Variants in NFE2L1 observed in about 807,000 individuals in gnomAD.
NFE2L1 encodes endoplasmic reticulum membrane sensor NFE2L1.
In NFE2L1, 18 loss-of-function variants were observed where a neutral mutation model predicts 61.6. The observed-to-expected ratio is 0.29, with a 90% confidence interval of 0.20 to 0.43. The LOEUF is 0.43. NFE2L1 is among the 20% of genes least tolerant of loss of function. The pLI, the probability that NFE2L1 is intolerant of heterozygous loss-of-function variation, is 1.00. For synonymous variants in NFE2L1, 419 were observed against 402.7 expected (o/e 1.04, Z -0.48); for missense variants, 827 against 973.5 (o/e 0.85, Z 2.00).
At chr17:48,054,569 G>C in intron 2 of NFE2L1, 13 of 1,185,002 alleles carry the variant, frequency 1.1e-5, no homozygotes, top group Non-Finnish European at 1.4e-5. Flanking sequence ...GAGGGGATTG[G>C]CTCTCTGCAG....
rs1390799054 is a variant in NFE2L1 at position 48,058,692 on chromosome 17, T to C, written c.1370T>C (p.Ile457Thr). 1 of 1,614,180 alleles carries C rather than the reference T, an allele frequency of 6.2e-7. No homozygotes were observed. The highest frequency in any genetic ancestry group is 2.2e-5 in the East Asian group (1 of 44,874). The change falls in exon 6 of 6, where the codon ATT (isoleucine) becomes ACT (threonine). Residue 457 changes from isoleucine (I) to threonine (T), a missense_variant. Ile to Thr is a moderately conservative substitution (Grantham distance 89). Transcript: ENST00000362042. ...GAGATCAGCCTTATGGACCTGGCCA[T>C]TGAAGAAGGCTTTAACCCTGTGCAG... The part of the protein sequence containing the change: ...LDEISLMDLA[I>T]EEGFNPVQAS...
intron 3 of NFE2L1, 79 bp from the exon 4 acceptor site, chr17:48,056,953 C>T (rs899959356): frequency 4.2e-6 from 6 of 1,437,624 alleles, no homozygotes; most frequent in Admixed American, 1.8e-5. Context: ...TGCAGGGCTT[C>T]AGCCATTCTG....
intron 2 of NFE2L1, chr17:48,054,731 G>A: frequency 7.7e-7 from 1 of 1,295,314 alleles, no homozygotes; most frequent in Admixed American, 4.0e-5. Context: ...GGAGCATGGG[G>A]TGGGAGTCCC....
intron 1 of NFE2L1, chr17:48,049,152 G>A (rs1401661239): frequency 2.0e-5 from 3 of 152,260 alleles, no homozygotes; most frequent in Non-Finnish European, 4.4e-5. Flanking sequence ...ACGCAGGAGA[G>A]GAGAGGCGGT....
At chr17:48,050,461 A>G in intron 1 of NFE2L1, 146 bp from the exon 2 acceptor site, 1 of 383,854 alleles carries the variant, frequency 2.6e-6, no homozygotes, top group South Asian at 1.4e-4. Flanking sequence ...CCTGGGCGAC[A>G]GAGTGAGACT....
In NFE2L1 at chr17:48,051,288, A is replaced by C. The variant is rs773208986; in HGVS notation, c.170A>C (p.Asn57Thr). Reference protein sequence around the residue: ...SSAYTQTQFHNLRNTLDGYGI... With the variant: ...SSAYTQTQFHTLRNTLDGYGI... Reference sequence around the variant, plus strand: ...GCCTATACTCAGACCCAGTTCCACAACCTGAGGAATACCTTGGATGGCTAT... The same window carrying C: ...GCCTATACTCAGACCCAGTTCCACACCCTGAGGAATACCTTGGATGGCTAT... Residue 57 changes from asparagine to threonine, a missense_variant, in exon 2 of 6, where the codon AAC (asparagine) becomes ACC (threonine). Around this residue, in one of 3 missense-constraint regions of NFE2L1, gnomAD observed 667 missense variants for 748.4 expected, o/e 0.89. Coordinates refer to ENST00000362042, the MANE Select transcript of NFE2L1 (RefSeq NM_003204.3). The C allele has an allele frequency of 1.2e-6, 2 of 1,614,010 alleles. No homozygotes were observed. The highest frequency in any genetic ancestry group is 1.7e-6 in the Non-Finnish European group (2 of 1,180,006).
In NFE2L1 at chr17:48,059,585, A is replaced by C; in HGVS notation, c.2263A>C (p.Met755Leu). The change falls in exon 6 of 6, where the codon ATG (methionine) becomes CTG (leucine). Residue 755 changes from methionine to leucine, a missense_variant. Met to Leu is a conservative substitution (Grantham distance 15). Coordinates refer to ENST00000362042, the MANE Select transcript of NFE2L1 (RefSeq NM_003204.3). The surrounding 1 kb of genome is among the most constrained non-coding windows in gnomAD (Gnocchi z 6.1). Reference protein sequence around the residue: ...DGSVLLIPRTMADQQARRQER... With the variant: ...DGSVLLIPRTLADQQARRQER... ...CAGTGTCCTCCTCATCCCCCGCACG[A>C]TGGCCGACCAGCAGGCCCGGCGGCA... The C allele has an allele frequency of 6.3e-7, 1 of 1,592,074 alleles. No individual in the cohort carries two copies. Among genetic ancestry groups the C allele is most frequent in the Non-Finnish European group, 8.6e-7 (1 of 1,166,296 alleles).
chr17:48,053,074 C>G (rs2037295144), intron 2 of NFE2L1, among the ~76,000 whole-genome samples: 1 of 152,172 alleles, frequency 6.6e-6, no homozygotes. Context: ...GCACAGTGTT[C>G]TGAAGTGTGC....
Position 48,057,013 on chromosome 17 carries a change from AC to A in NFE2L1, c.724-18del. On this transcript the variant is annotated intron_variant, in intron 3 of 5. Transcript: ENST00000362042. ...GCCAAGGCCCAGGTCAATCAGACTT[AC>A]AGTTCCTGTTGCCACAGGTGCCTAG... The A allele has an allele frequency of 1.2e-6, 2 of 1,613,600 alleles. No homozygotes were observed. The highest frequency in any genetic ancestry group is 2.2e-5 in the South Asian group (2 of 91,012).
chr17:48,050,543 T>C (rs985455402), intron 1 of NFE2L1, 64 bp from the exon 2 acceptor site: 1 of 404,798 alleles, frequency 2.5e-6, no homozygotes, highest in African/African-American at 2.1e-5. Context: ...AAGGTTTTCC[T>C]ACCCTGATCA....
chr17:48,053,113 C>G (rs1187765067), intron 2 of NFE2L1, among the ~76,000 whole-genome samples: 3 of 152,286 alleles, frequency 2.0e-5, no homozygotes, highest in South Asian at 4.1e-4. Flanking sequence ...TGCTCCTCCC[C>G]CAGGGTAGCT....
chr17:48,055,445 TG>T (rs1156472865), intron 2 of NFE2L1, among the ~76,000 whole-genome samples: 1 of 152,056 alleles, frequency 6.6e-6, no homozygotes, highest in Non-Finnish European at 1.5e-5. Flanking sequence ...GTGCAGCAAC[TG>T]TTCACGAGCC....
Position 48,059,884 on chromosome 17 carries a change from C to A in NFE2L1, c.*243C>A, listed in dbSNP as rs1321153422. ...ACAGGGTCCTCACCCTACCCCTTTC[C>A]TGTGAGGCAGGGGTGGTGGTGGAGT... On this transcript the variant is annotated 3_prime_UTR_variant, in exon 6 of 6. Transcript: ENST00000362042. This position sits in a 1 kb window ranked among gnomAD's most constrained non-coding sequence, Gnocchi z 6.1. The A allele has an allele frequency of 2.0e-6, 1 of 510,384 alleles. No homozygotes were observed. The highest frequency in any genetic ancestry group is 3.7e-5 in the Admixed American group (1 of 26,972). 31.6% of individuals were successfully genotyped at this position (510,384 alleles called of 1,614,324 possible). A position where few individuals can be genotyped will look rare whatever the true frequency, so the allele number is the denominator to read the frequency against.
intron 2 of NFE2L1, among the ~76,000 whole-genome samples, 162 bp downstream of exon 2, chr17:48,051,790 G>A (rs2144354707): frequency 6.6e-6 from 1 of 152,240 alleles, no homozygotes; most frequent in African/African-American, 2.4e-5. Context: ...TCTGACTTTA[G>A]GATTGGGGGC....
rs758203294 is a variant in NFE2L1, at chr17:48,058,836, C to T, written c.1514C>T (p.Ser505Phe). The T allele has an allele frequency of 1.3e-5, 21 of 1,613,782 alleles. No individual in the cohort carries two copies. The highest frequency in any genetic ancestry group is 1.8e-5 in the Non-Finnish European group (21 of 1,180,020). The change falls in exon 6 of 6, where the codon TCC becomes TTC. Residue 505 changes from serine (S) to phenylalanine (F), a missense_variant. By Grantham distance (155) the Ser-to-Phe change is radical. Transcript: ENST00000362042. Reference protein sequence around the residue: ...GSSSSSSSSSSSSSSASSSAS... With the variant: ...GSSSSSSSSSFSSSSASSSAS... ...TCTTCCTCTTCTTCCTCCTCCTCTT[C>T]CTCTTCTTCCTCTGCTTCTTCCTCT...
intron 2 of NFE2L1, among the ~76,000 whole-genome samples, chr17:48,053,239 G>T (rs546408314): frequency 6.6e-6 from 1 of 152,124 alleles, no homozygotes. Flanking sequence ...GGTTGGGGCC[G>T]AATGGGATGG....
chr17:48,058,791 T>C lies in NFE2L1; in HGVS notation c.1469T>C (p.Leu490Pro). The C allele has an allele frequency of 6.2e-7, 1 of 1,614,180 alleles. No homozygotes were observed. Among genetic ancestry groups the C allele is most frequent in the Non-Finnish European group, 8.5e-7 (1 of 1,180,030 alleles). Residue 490 changes from leucine (L) to proline (P), a missense_variant, in exon 6 of 6, where the codon CTA becomes CCA. Around this residue, in one of 3 missense-constraint regions of NFE2L1, gnomAD observed 667 missense variants for 748.4 expected, o/e 0.89. Transcript: ENST00000362042. ...GACTCGAGCCATAGCCCTTCTTCCC[T>C]AAGCAGCTCTGAAGGCAGTTCTTCC... ...SLDSSHSPSS[L>P]SSSEGSSSSS...
Position 48,050,653 on chromosome 17 carries a change from C to G in NFE2L1, c.-466C>G, listed in dbSNP as rs1454125678. On this transcript the variant is annotated 5_prime_UTR_variant, in exon 2 of 6. Coordinates refer to ENST00000362042, the MANE Select transcript of NFE2L1 (RefSeq NM_003204.3). ...GTAAGTGTGGAGGAGGCGGGACACT[C>G]TGACCCAAGACGAAAGGCCTGTAGC... 22 of 429,486 alleles carry G rather than the reference C, an allele frequency of 5.1e-5. No individual in the cohort carries two copies. The highest frequency in any genetic ancestry group is 8.6e-5 in the Non-Finnish European group (21 of 243,092). 26.6% of individuals were successfully genotyped at this position (429,486 alleles called of 1,614,324 possible).
In NFE2L1 at chr17:48,059,424, T is replaced by C; in HGVS notation, c.2102T>C (p.Val701Ala). Residue 701 changes from valine (V) to alanine (A), a missense_variant, in exon 6 of 6, where the codon GTG becomes GCG. Around this residue, in one of 3 missense-constraint regions of NFE2L1, gnomAD observed 74 missense variants for 127.8 expected, o/e 0.58. Transcript: ENST00000362042. This position sits in a 1 kb window ranked among gnomAD's most constrained non-coding sequence, Gnocchi z 6.1. ...RDKARLLREKVEFLRSLRQMK... is the reference protein window; with the variant it reads ...RDKARLLREKAEFLRSLRQMK... ...AAAGCCCGGCTGCTGCGGGAGAAAGTGGAGTTCCTGCGCTCCCTGCGACAG... is the reference window on the plus strand; with the variant it reads ...AAAGCCCGGCTGCTGCGGGAGAAAGCGGAGTTCCTGCGCTCCCTGCGACAG... 6.2e-7 allele frequency: 1 copy of C among 1,613,872 alleles called. No homozygotes were observed. Among genetic ancestry groups the C allele is most frequent in the South Asian group, 1.1e-5 (1 of 91,050 alleles).
Sources: allele counts gnomAD v4.1 joint callset (sites outside exome capture counted in the v4.1 genomes callset), GRCh38; gene constraint gnomAD v4.1.1; regional missense constraint gnomAD v4.1.1; non-coding constraint Gnocchi (gnomAD v3.1); transcripts MANE v1.5; gene names NCBI Gene and HGNC (gene_info 2026-07-23, HGNC 2026-07-21).